Variants in PHACTR2 observed in about 807,000 individuals in gnomAD.
PHACTR2 encodes the protein chromosome 6 open reading frame 56.
A neutral mutation model predicts 76.0 loss-of-function variants in PHACTR2; 30 were observed. The ratio of observed to expected loss-of-function variants is 0.39; its 90% CI spans 0.30 to 0.54. The LOEUF (loss-of-function observed/expected upper bound fraction) is 0.54, where lower values mean the gene tolerates loss of function less well. Among genes scored for constraint, PHACTR2 ranks in the 20% least tolerant of loss-of-function variants. PHACTR2 has a pLI of 0.61. For missense variants in PHACTR2, 696 were observed against 781.1 expected, an observed-to-expected ratio of 0.89 and a Z score of 1.30; for synonymous variants, 292 against 292.5, an observed-to-expected ratio of 1.00 and a Z score of 0.02.
chr6:143,813,070 CAA>C (rs2128485182), intron 12 of PHACTR2, among the ~76,000 whole-genome samples: 1 of 152,202 alleles, frequency 6.6e-6, no homozygotes, highest in South Asian at 2.1e-4. Flanking sequence ...GATTTGTTAT[CAA>C]GAGAGAATAT....
At position 143,688,493 on chromosome 6, in the gene PHACTR2, T is replaced by A. The variant is rs1195948818; in HGVS notation, c.46+10284T>A. Among the ~76,000 whole-genome samples, 1 of 152,180 alleles carries A rather than the reference T, an allele frequency of 6.6e-6. No individual in the cohort carries two copies. The highest frequency in any genetic ancestry group is 1.5e-5 in the Non-Finnish European group (1 of 68,028). The stretch of plus-strand genomic sequence containing the variant: ...AGGTCTGCTTGAAAACTTGTGGGCA[T>A]CCCAGAGGTAACATAAGTCTATACA... On this transcript the variant is annotated intron_variant, in intron 1 of 12. Coordinates refer to ENST00000440869, the MANE Select transcript of PHACTR2 (RefSeq NM_001100164.2). The surrounding 1 kb of genome is among the most constrained non-coding windows in gnomAD (Gnocchi z 5.2).
Position 143,823,234 on chromosome 6 carries a change from C to G in PHACTR2, c.1923-440C>G, listed in dbSNP as rs1362377489. On this transcript the variant is annotated intron_variant, in intron 12 of 12. Transcript: ENST00000440869. The surrounding 1 kb of genome is among the most constrained non-coding windows in gnomAD (Gnocchi z 5.7). ...GTGTAGAAAGTAGATTTGGAGTCGT[C>G]AGCAGGAGATGATGAGAGGCTGAAG... is the stretch of plus-strand genomic sequence containing the variant. Among the ~76,000 whole-genome samples, 1 of 152,178 alleles carries G rather than the reference C, an allele frequency of 6.6e-6. No individual in the cohort carries two copies. Among genetic ancestry groups the G allele is most frequent in the East Asian group, 1.9e-4 (1 of 5,198 alleles).
In PHACTR2 at chr6:143,679,972, C is replaced by T. The variant is rs191391378; in HGVS notation, c.46+1763C>T. Among the ~76,000 whole-genome samples the T allele has an allele frequency of 2.0e-5, 3 of 152,128 alleles. No individual in the cohort carries two copies. Among genetic ancestry groups the T allele is most frequent in the Admixed American group, 2.0e-4 (3 of 15,294 alleles). ...AAAAGTTTGTATGAATTGAAATGAC[C>T]AATCCATACATCATAAATACAGGGT... On this transcript the variant is annotated intron_variant, in intron 1 of 12. Coordinates refer to ENST00000440869, the MANE Select transcript of PHACTR2 (RefSeq NM_001100164.2). The surrounding 1 kb of genome is among the most constrained non-coding windows in gnomAD (Gnocchi z 4.6).
In PHACTR2 at chr6:143,578,810, C is replaced by A. The variant is rs574311564; in HGVS notation, c.217+41603C>A. The stretch of plus-strand genomic sequence containing the variant: ...AGCAGCTCAAAGATGAGGGAGAAGA[C>A]GATGACCAAGTGGAATAACGTATTT... On this transcript the variant is annotated intron_variant, in intron 1 of 11. Transcript: ENST00000367584. The surrounding 1 kb of genome is among the most constrained non-coding windows in gnomAD (Gnocchi z 4.5). Among the ~76,000 whole-genome samples, 2 of 152,078 alleles carry A rather than the reference C, an allele frequency of 1.3e-5. No individual in the cohort carries two copies.
Position 143,794,391 on chromosome 6 carries a change from T to A in PHACTR2, c.1845+5481T>A, listed in dbSNP as rs564533897. On this transcript the variant is annotated intron_variant, in intron 11 of 12. Coordinates refer to ENST00000440869, the MANE Select transcript of PHACTR2 (RefSeq NM_001100164.2). This position sits in a 1 kb window ranked among gnomAD's most constrained non-coding sequence, Gnocchi z 4.1. Reference sequence around the variant, plus strand: ...TGTATTAAGTTAATTCATGTAAAAATTATAATTTAGCTATTAGGTTTAAAA... The same window carrying A: ...TGTATTAAGTTAATTCATGTAAAAAATATAATTTAGCTATTAGGTTTAAAA... Among the ~76,000 whole-genome samples the A allele has an allele frequency of 3.3e-5, 5 of 151,936 alleles. No homozygotes were observed. The East Asian group carries it at 5.8e-4, about 18-fold the overall frequency.
chr6:143,819,989 C>T lies in PHACTR2; in HGVS notation c.1923-3685C>T, dbSNP rs534899329. ...GAAAGCCTCCAATCACGGCAGAAAG[C>T]GAAGGGGGAGCAGGCACATCACATG... is the stretch of plus-strand genomic sequence containing the variant. On this transcript the variant is annotated intron_variant, in intron 12 of 12. Transcript: ENST00000440869. This position sits in a 1 kb window ranked among gnomAD's most constrained non-coding sequence, Gnocchi z 5.0. Among the ~76,000 whole-genome samples, 2 of 152,212 alleles carry T rather than the reference C, an allele frequency of 1.3e-5. No homozygotes were observed. Among genetic ancestry groups the T allele is most frequent in the East Asian group, 3.9e-4 (2 of 5,170 alleles).
At position 143,717,341 on chromosome 6, in the gene PHACTR2, A is replaced by G. The variant is rs187892277; in HGVS notation, c.214+5158A>G. Among the ~76,000 whole-genome samples the G allele has an allele frequency of 1.5e-4, 23 of 152,306 alleles. No individual in the cohort carries two copies. In the East Asian group the frequency reaches 4.4e-3, roughly 29 times the overall value. ...ATCCTCCTTTGCCTGTACTCCTGTT[A>G]GGACATGTTTATTTTAACTTGTTTT... On this transcript the variant is annotated intron_variant, in intron 2 of 12. Transcript: ENST00000440869.
In PHACTR2 at chr6:143,671,851, T is replaced by A. The variant is rs1040427978; in HGVS notation, c.14-40165T>A. On this transcript the variant is annotated intron_variant, in intron 1 of 11. Coordinates refer to the PHACTR2 transcript ENST00000305766. The surrounding 1 kb of genome is among the most constrained non-coding windows in gnomAD (Gnocchi z 4.6). ...AAATGCCCATTAACTGGTAAACAGA[T>A]AAACAAACTTTTGTATAGCCATACA... Among the ~76,000 whole-genome samples the A allele has an allele frequency of 4.6e-5, 7 of 152,022 alleles. No homozygotes were observed. The highest frequency in any genetic ancestry group is 1.7e-4 in the African/African-American group (7 of 41,382).
chr6:143,722,174 G>C lies in PHACTR2; in HGVS notation c.214+9991G>C, dbSNP rs1778457078. 6.6e-6 allele frequency among the ~76,000 whole-genome samples: 1 copy of C among 152,142 alleles called. No homozygotes were observed. ...TTCTCTTTGTGGAAAATATCACCCAGAGCCTCCTAACAGGGTGATCTGTTT... is the reference window on the plus strand; with the variant it reads ...TTCTCTTTGTGGAAAATATCACCCACAGCCTCCTAACAGGGTGATCTGTTT... On this transcript the variant is annotated intron_variant, in intron 2 of 12. Transcript: ENST00000440869. The surrounding 1 kb of genome is among the most constrained non-coding windows in gnomAD (Gnocchi z 4.1).
chr6:143,683,872 T>C lies in PHACTR2; in HGVS notation c.46+5663T>C, dbSNP rs1220529861. ...AACCCAGCATGAACAGTTTTTTTCATTCCACACAGTTTTCATTCATAGATA... is the reference window on the plus strand; with the variant it reads ...AACCCAGCATGAACAGTTTTTTTCACTCCACACAGTTTTCATTCATAGATA... On this transcript the variant is annotated intron_variant, in intron 1 of 12. Coordinates refer to ENST00000440869, the MANE Select transcript of PHACTR2 (RefSeq NM_001100164.2). The surrounding 1 kb of genome is among the most constrained non-coding windows in gnomAD (Gnocchi z 4.1). 6.6e-6 allele frequency among the ~76,000 whole-genome samples: 1 copy of C among 152,180 alleles called. No homozygotes were observed. The highest frequency in any genetic ancestry group is 1.5e-5 in the Non-Finnish European group (1 of 68,030).
In PHACTR2 at chr6:143,772,418, G is replaced by C. The variant is rs1298934768; in HGVS notation, c.1393G>C (p.Asp465His). The C allele has an allele frequency of 2.5e-6, 4 of 1,614,020 alleles. No homozygotes were observed. Among genetic ancestry groups the C allele is most frequent in the Non-Finnish European group, 3.4e-6 (4 of 1,180,018 alleles). ...GGACGGGCCTATCTTGTACACCGAT[G>C]ATGAGGACGAAGACGAAGATGAGGA... is the stretch of plus-strand genomic sequence containing the variant. ...DSDGPILYTD[D>H]EDEDEDEDGS... The change falls in exon 7 of 13, where the codon GAT becomes CAT. Residue 465 changes from aspartate (D) to histidine (H), a missense_variant. By Grantham distance (81) the Asp-to-His change is moderately conservative. Around this residue, in one of 2 missense-constraint regions of PHACTR2, gnomAD observed 236 missense variants for 330.2 expected, o/e 0.71. Coordinates refer to ENST00000440869, the MANE Select transcript of PHACTR2 (RefSeq NM_001100164.2). The surrounding 1 kb of genome is among the most constrained non-coding windows in gnomAD (Gnocchi z 5.4).
At chr6:143,769,334 A>G (rs1469905310) in intron 6 of PHACTR2, among the ~76,000 whole-genome samples, 1 of 152,194 alleles carries the variant, frequency 6.6e-6, no homozygotes, top group Non-Finnish European at 1.5e-5. Flanking sequence ...AATGCACTAT[A>G]TTGTCCAGTG....
rs1195008855 is a variant in PHACTR2 at position 143,679,779 on chromosome 6, G to C, written c.46+1570G>C. 6.6e-6 allele frequency among the ~76,000 whole-genome samples: 1 copy of C among 152,084 alleles called. No homozygotes were observed. The highest frequency in any genetic ancestry group is 2.4e-5 in the African/African-American group (1 of 41,416). On this transcript the variant is annotated intron_variant, in intron 1 of 12. Transcript: ENST00000440869. The surrounding 1 kb of genome is among the most constrained non-coding windows in gnomAD (Gnocchi z 4.6). ...CGTCTTAGTACAGCAAAAAAACCCG[G>C]ATTGCTATAATTCCAAATAAAATGA...
chr6:143,705,325 T>C lies in PHACTR2; in HGVS notation c.47-6691T>C, dbSNP rs571623089. On this transcript the variant is annotated intron_variant, in intron 1 of 12. Coordinates refer to ENST00000440869, the MANE Select transcript of PHACTR2 (RefSeq NM_001100164.2). ...TTTTTTTTTTTTTGAGACGGAGTCT[T>C]GCTCTGTAGCCCAGGCTGGAGTGCA... Among the ~76,000 whole-genome samples the C allele has an allele frequency of 3.9e-3, 552 of 142,722 alleles. 7 individuals carry two copies. The highest frequency in any genetic ancestry group is 0.014 in the African/African-American group (514 of 37,378). 93.6% of individuals were successfully genotyped at this position (142,722 alleles called of 152,430 possible). A position where few individuals can be genotyped will look rare whatever the true frequency, so the allele number is the denominator to read the frequency against.
intron 1 of PHACTR2, among the ~76,000 whole-genome samples, chr6:143,563,374 C>A (rs532077731): frequency 1.4e-5 from 2 of 145,358 alleles, no homozygotes; most frequent in African/African-American, 2.5e-5. Context: ...ACCATCCTTG[C>A]GAACATGGTG....
At chr6:143,768,270 A>G (rs1182800690) in intron 6 of PHACTR2, among the ~76,000 whole-genome samples, 1 of 152,204 alleles carries the variant, frequency 6.6e-6, no homozygotes, top group Non-Finnish European at 1.5e-5. Context: ...ACTTCCAACC[A>G]TTAGAACTGA....
rs149492208 is a variant in PHACTR2 at position 143,775,310 on chromosome 6, A to C, written c.1589+1095A>C. ...TAAACCCTCTTGCGACTCTGGAAGA[A>C]ATTTGGGAATGTTTACCAGTGGTCT... On this transcript the variant is annotated intron_variant, in intron 8 of 12. Coordinates refer to ENST00000440869, the MANE Select transcript of PHACTR2 (RefSeq NM_001100164.2). The surrounding 1 kb of genome is among the most constrained non-coding windows in gnomAD (Gnocchi z 4.4). Among the ~76,000 whole-genome samples the C allele has an allele frequency of 1.3e-5, 2 of 152,272 alleles. No individual in the cohort carries two copies. The highest frequency in any genetic ancestry group is 4.8e-5 in the African/African-American group (2 of 41,560).
chr6:143,540,383 A>C (rs1189952196), intron 1 of PHACTR2, among the ~76,000 whole-genome samples: 1 of 152,168 alleles, frequency 6.6e-6, no homozygotes, highest in Non-Finnish European at 1.5e-5. Flanking sequence ...GCTACCTGCA[A>C]TCATTACCCC....
At position 143,549,011 on chromosome 6, in the gene PHACTR2, A is replaced by T. The variant is rs1233321609; in HGVS notation, c.217+11804A>T. Among the ~76,000 whole-genome samples the T allele has an allele frequency of 6.6e-6, 1 of 151,852 alleles. No homozygotes were observed. Among genetic ancestry groups the T allele is most frequent in the African/African-American group, 2.4e-5 (1 of 41,386 alleles). The stretch of plus-strand genomic sequence containing the variant: ...CACCTGTGGCTTGAGGAGTATAAAG[A>T]GTACAGGGAAGAAGGCTTGGCCATG... On this transcript the variant is annotated intron_variant, in intron 1 of 11. Transcript: ENST00000367584. The surrounding 1 kb of genome is among the most constrained non-coding windows in gnomAD (Gnocchi z 4.2).
Sources: gnomAD v4.1 joint callset for allele counts (sites outside exome capture counted in the v4.1 genomes callset) on GRCh38, gnomAD v4.1.1 for gene constraint, gnomAD v4.1.1 regional missense constraint, Gnocchi (gnomAD v3.1) non-coding constraint, MANE v1.5 for transcripts, NCBI Gene and HGNC (gene_info 2026-07-23, HGNC 2026-07-21) for gene names.